SEH1L: variants seen among roughly 807,000 people sequenced by gnomAD.
SEH1L encodes nucleoporin SEH1.
In SEH1L, 18 loss-of-function variants were observed where a neutral mutation model predicts 49.5. The ratio of observed to expected loss-of-function variants is 0.36; its 90% CI spans 0.25 to 0.54. The LOEUF (loss-of-function observed/expected upper bound fraction) is 0.54. Ranked by LOEUF, SEH1L falls within the 20% of genes least tolerant of loss-of-function variation. The pLI, the probability that SEH1L is intolerant of heterozygous loss-of-function variation, is 0.87. For synonymous variants in SEH1L, 169 were observed against 178.1 expected (o/e 0.95, Z 0.41); for missense variants, 404 against 528.8 (o/e 0.76, Z 2.31).
At chr18:12,981,009 TCCTCACTTCTCAGACGGTGTGGCTGCC>T (rs2032224664) in intron 6 of SEH1L, among the ~76,000 whole-genome samples, 3 of 144,782 alleles carry the variant, frequency 2.1e-5, no homozygotes, top group African/African-American at 7.8e-5. Context: ...GCGGAGGGGC[TCCTCACTTCTCAGACGGTGTGGCTGCC>T]GGGCGGAGGG....
chr18:12,957,367 G>T (rs559336403), intron 3 of SEH1L, among the ~76,000 whole-genome samples: 10 of 152,052 alleles, frequency 6.6e-5, no homozygotes, highest in Non-Finnish European at 1.5e-4. Context: ...GGCGGAGGTT[G>T]TGATGAGCAG....
intron 7 of SEH1L, among the ~76,000 whole-genome samples, chr18:12,983,834 G>A (rs1013215406): frequency 1.3e-5 from 2 of 152,140 alleles, no homozygotes; most frequent in Non-Finnish European, 1.5e-5. Context: ...TAAAATTAGT[G>A]ATACTTTGAA....
At chr18:12,977,757 T>C (rs887256838) in intron 5 of SEH1L, 1 of 152,226 alleles carries the variant, frequency 6.6e-6, no homozygotes, top group African/African-American at 2.4e-5. Context: ...CTTTTTTATT[T>C]ACATTCAAAT....
rs554886753 is a variant in SEH1L, at chr18:12,981,850, ATTTTTTTTTT to A, written c.762-650_762-641del. Among the ~76,000 whole-genome samples, 163 of 88,190 alleles carry A rather than the reference ATTTTTTTTTT, an allele frequency of 1.8e-3. 1 individual carries two copies. The highest frequency in any genetic ancestry group is 2.5e-3 in the Non-Finnish European group (125 of 50,094). 57.9% of individuals were successfully genotyped at this position (88,190 alleles called of 152,430 possible). A position where few individuals can be genotyped will look rare whatever the true frequency, so the allele number is the denominator to read the frequency against. On this transcript the variant is annotated intron_variant, in intron 6 of 8. Coordinates refer to ENST00000399892, the MANE Select transcript of SEH1L (RefSeq NM_001013437.2). ...TTCTTTCCTACTTGCTGCCCTGCCC[ATTTTTTTTTT>A]TTTTTTTTTTTTTTTTTGAGGCAAG...
intron 3 of SEH1L, 69 bp from the exon 4 acceptor site, chr18:12,963,089 CTG>C (rs2031268861): frequency 5.5e-6 from 6 of 1,087,676 alleles, no homozygotes; most frequent in Admixed American, 2.2e-5. Flanking sequence ...ATTCCAGAGT[CTG>C]TGTGTCTTTT....
chr18:12,951,120 C>T (rs9953795), intron 1 of SEH1L, among the ~76,000 whole-genome samples: 8,362 of 152,212 alleles, frequency 0.055, 750 homozygotes, highest in African/African-American at 0.19. Context: ...GTCATTTGTG[C>T]ATGTGTGAGG....
At chr18:12,953,341 A>G (rs2030661259) in intron 2 of SEH1L, among the ~76,000 whole-genome samples, 1 of 152,186 alleles carries the variant, frequency 6.6e-6, no homozygotes, top group Non-Finnish European at 1.5e-5. Flanking sequence ...CTGTGTAGAC[A>G]TATATTTTCA....
Position 12,963,280 on chromosome 18 carries a change from G to C in SEH1L, c.430G>C (p.Ala144Pro). Residue 144 changes from alanine (A) to proline (P), a missense_variant, in exon 4 of 9, where the codon GCA becomes CCA. Ala to Pro is a conservative substitution (Grantham distance 27, BLOSUM62 -1). This residue lies in a region of SEH1L where 342 missense variants were observed against 430.8 expected (regional missense o/e 0.79). Transcript: ENST00000399892. ...SADGIVRIYE[A>P]PDVMNLSQWS... ...AGATGGTATAGTAAGAATCTATGAG[G>C]CACCAGATGTTATGAATCTCAGCCA... The C allele has an allele frequency of 2.5e-6, 4 of 1,614,044 alleles. No individual in the cohort carries two copies. The highest frequency in any genetic ancestry group is 3.4e-6 in the Non-Finnish European group (4 of 1,179,936).
chr18:12,951,402 A>AT (rs1317757137), intron 1 of SEH1L, among the ~76,000 whole-genome samples: 1 of 151,448 alleles, frequency 6.6e-6, no homozygotes, highest in Non-Finnish European at 1.5e-5. Flanking sequence ...CTCAATGTAA[A>AT]TTTTTTGAGA....
chr18:12,980,036 AC>A (rs1298016225), intron 6 of SEH1L, among the ~76,000 whole-genome samples: 3 of 73,844 alleles, frequency 4.1e-5, no homozygotes, highest in African/African-American at 5.3e-5. Flanking sequence ...CGGGCGGCTG[AC>A]CCCCCCACCT....
At chr18:12,977,409 A>C (rs575632154) in intron 5 of SEH1L, 1 of 152,338 alleles carries the variant, frequency 6.6e-6, no homozygotes, top group Admixed American at 6.5e-5. Context: ...TAGCCTTTGC[A>C]TAGTTTCCTT....
At chr18:12,983,452 G>GGA (rs1183327647) in intron 7 of SEH1L, among the ~76,000 whole-genome samples, 1 of 152,102 alleles carries the variant, frequency 6.6e-6, no homozygotes, top group East Asian at 1.9e-4. Context: ...GTCCTTTTCT[G>GGA]CCTTTAGGCT....
chr18:12,980,578 A>T (rs1347928566), intron 6 of SEH1L, among the ~76,000 whole-genome samples: 1 of 89,964 alleles, frequency 1.1e-5, no homozygotes, highest in Non-Finnish European at 2.2e-5. Flanking sequence ...TGACCCCCCC[A>T]CCTCCCTCCC....
In SEH1L at chr18:12,948,015, C is replaced by A; in HGVS notation, c.-107C>A. On this transcript the variant is annotated 5_prime_UTR_variant, in exon 1 of 9. Transcript: ENST00000399892. ...GGGCGGTGCGGGGGCGTGGGCAGCA[C>A]AAGCCGTGCGCTCCCGGGCTGCGAG... The A allele has an allele frequency of 1.3e-6, 1 of 755,200 alleles. No homozygotes were observed. The highest frequency in any genetic ancestry group is 2.1e-6 in the Non-Finnish European group (1 of 465,412). The allele number at this position is 755,200 out of a possible 1,614,324, so 46.8% of individuals were successfully genotyped here.
intron 2 of SEH1L, among the ~76,000 whole-genome samples, chr18:12,952,324 T>C (rs1158428462): frequency 6.6e-6 from 1 of 151,424 alleles, no homozygotes; most frequent in Non-Finnish European, 1.5e-5. Context: ...CCTCCGCCTG[T>C]TGGGTTCAAG....
rs1380810925 is a variant in SEH1L, at chr18:12,963,259, G to A, written c.409G>A (p.Gly137Ser). The A allele has an allele frequency of 1.2e-6, 2 of 1,614,074 alleles. No homozygotes were observed. The highest frequency in any genetic ancestry group is 3.3e-5 in the Admixed American group (2 of 60,012). Residue 137 changes from glycine (G) to serine (S), a missense_variant, in exon 4 of 9, where the codon GGT (glycine) becomes AGT (serine). Physicochemically the swap from Gly to Ser is moderately conservative, Grantham distance 56. This residue lies in a region of SEH1L where 342 missense variants were observed against 430.8 expected (regional missense o/e 0.79). Transcript: ENST00000399892. The stretch of plus-strand genomic sequence containing the variant: ...TATGTTAGCAACCTGTTCCGCAGAT[G>A]GTATAGTAAGAATCTATGAGGCACC... ...GLMLATCSAD[G>S]IVRIYEAPDV...
intron 8 of SEH1L, 146 bp from the exon 9 acceptor site, chr18:12,986,716 A>G (rs564892416): frequency 1.5e-6 from 2 of 1,299,302 alleles, no homozygotes; most frequent in African/African-American, 1.6e-5. Context: ...TTTGGCATGA[A>G]TATACTAAAG....
chr18:12,980,309 T>A (rs1273079793), intron 6 of SEH1L, among the ~76,000 whole-genome samples: 1 of 102,764 alleles, frequency 9.7e-6, no homozygotes, highest in African/African-American at 3.6e-5. Flanking sequence ...CACTTCCCAG[T>A]AGGGGCGGCC....
chr18:12,985,713 A>G lies in SEH1L; in HGVS notation c.1071-1149A>G, dbSNP rs118042246. 7,574 of 952,542 alleles carry G rather than the reference A, an allele frequency of 8.0e-3. 38 individuals carry two copies. The highest frequency in any genetic ancestry group is 9.3e-3 in the South Asian group (192 of 20,650). 59.0% of individuals were successfully genotyped at this position (952,542 alleles called of 1,614,324 possible). A position where few individuals can be genotyped will look rare whatever the true frequency, so the allele number is the denominator to read the frequency against. ...TTTGAAGATTGAATAAATATTTTTTATAAAGATTGTTTTGAGTGCTGATTT... is the reference window on the plus strand; with the variant it reads ...TTTGAAGATTGAATAAATATTTTTTGTAAAGATTGTTTTGAGTGCTGATTT... On this transcript the variant is annotated intron_variant, in intron 8 of 8. Transcript: ENST00000399892.
Sources: allele counts gnomAD v4.1 joint callset (sites outside exome capture counted in the v4.1 genomes callset), GRCh38; gene constraint gnomAD v4.1.1; regional missense constraint gnomAD v4.1.1; transcripts MANE v1.5; gene names NCBI Gene and HGNC (gene_info 2026-07-23, HGNC 2026-07-21).